Variants in KCNQ1 observed in about 807,000 individuals in gnomAD.
KCNQ1 encodes the protein potassium voltage-gated channel subfamily KQT member 1.
Under a neutral mutation model 72.4 loss-of-function variants are expected in KCNQ1, and 49 were observed. That is an observed-to-expected ratio of 0.68 (90% CI 0.54 to 0.86). KCNQ1 has a LOEUF of 0.86. Among genes scored for constraint, KCNQ1 ranks in the 40% least tolerant of loss-of-function variants. The pLI, the probability that KCNQ1 is intolerant of heterozygous loss-of-function variation, is 0.00. For missense variants in KCNQ1, 790 were observed against 945.1 expected (o/e 0.84, Z 2.15); for synonymous variants, 450 against 412.6 (o/e 1.09, Z -1.10).
chr11:2,650,830 A>G (rs1266462935), intron 10 of KCNQ1: 1 of 398,418 alleles, frequency 2.5e-6, no homozygotes, highest in Non-Finnish European at 4.4e-6. Flanking sequence ...GCACTTACTG[A>G]TTTTATGCTT....
chr11:2,585,704 T>C (rs1848583202), intron 8 of KCNQ1, among the ~76,000 whole-genome samples: 1 of 152,124 alleles, frequency 6.6e-6, no homozygotes, highest in African/African-American at 2.4e-5. Context: ...AGCTGTGCAG[T>C]TGGTGCCTTC....
chr11:2,765,788 A>G (rs529784139), intron 11 of KCNQ1, among the ~76,000 whole-genome samples: 1 of 152,318 alleles, frequency 6.6e-6, no homozygotes. Flanking sequence ...TGGCTACACC[A>G]TGACCTATCT....
At chr11:2,589,292 C>T (rs1289868945) in intron 10 of KCNQ1, among the ~76,000 whole-genome samples, 2 of 152,066 alleles carry the variant, frequency 1.3e-5, no homozygotes, top group Non-Finnish European at 2.9e-5. Flanking sequence ...CCGGGTAAAA[C>T]GTGGGGGGCC....
chr11:2,522,917 A>G (rs1847413743), intron 1 of KCNQ1, among the ~76,000 whole-genome samples: 1 of 152,236 alleles, frequency 6.6e-6, no homozygotes. Context: ...AGGACCACCC[A>G]TGTGCAGTCT....
intron 1 of KCNQ1, among the ~76,000 whole-genome samples, chr11:2,511,865 C>T (rs1169341129): frequency 6.6e-6 from 1 of 152,200 alleles, no homozygotes; most frequent in Non-Finnish European, 1.5e-5. Flanking sequence ...CTGTGGAGCC[C>T]GGCCTGGCCT....
chr11:2,591,631 C>G (rs982567429), intron 10 of KCNQ1, among the ~76,000 whole-genome samples: 13 of 152,224 alleles, frequency 8.5e-5, no homozygotes, highest in South Asian at 2.1e-4. Context: ...TTGCTGAATG[C>G]GGGGCAGCCC....
intron 10 of KCNQ1, chr11:2,631,215 T>C (rs542523961): frequency 2.0e-5 from 8 of 398,556 alleles, no homozygotes; most frequent in Admixed American, 4.4e-5. Flanking sequence ...ATAAATCCTG[T>C]GTGAACATTA....
rs1251825545 is a variant in KCNQ1 at position 2,493,835 on chromosome 11, T to C, written c.387-34093T>C. Among the ~76,000 whole-genome samples, 1 of 152,198 alleles carries C rather than the reference T, an allele frequency of 6.6e-6. No individual in the cohort carries two copies. Among genetic ancestry groups the C allele is most frequent in the Non-Finnish European group, 1.5e-5 (1 of 68,008 alleles). ...AGGATTGTCTTGGCTATATGGGCTCTTTTTTGGTTCCATATGAAATTTAAA... is the reference window on the plus strand; with the variant it reads ...AGGATTGTCTTGGCTATATGGGCTCCTTTTTGGTTCCATATGAAATTTAAA... On this transcript the variant is annotated intron_variant, in intron 1 of 15. Transcript: ENST00000155840. This position sits in a 1 kb window ranked among gnomAD's most constrained non-coding sequence, Gnocchi z 5.3.
chr11:2,553,161 TG>T (rs1848009854), intron 2 of KCNQ1, among the ~76,000 whole-genome samples: 1 of 130,916 alleles, frequency 7.6e-6, no homozygotes, highest in African/African-American at 3.8e-5. Flanking sequence ...GGGTTTTTTT[TG>T]TTTTTTTTTT....
rs978689949 is a variant in KCNQ1 at position 2,507,054 on chromosome 11, T to C, written c.387-20874T>C. ...TTTTTGCTATGAGAAATTTCGCATGTTTATATCATCAAATTTATCATGCTT... is the reference window on the plus strand; with the variant it reads ...TTTTTGCTATGAGAAATTTCGCATGCTTATATCATCAAATTTATCATGCTT... On this transcript the variant is annotated intron_variant, in intron 1 of 15. Transcript: ENST00000155840. The surrounding 1 kb of genome is among the most constrained non-coding windows in gnomAD (Gnocchi z 5.4). Among the ~76,000 whole-genome samples, 1 of 152,174 alleles carries C rather than the reference T, an allele frequency of 6.6e-6. No homozygotes were observed. The highest frequency in any genetic ancestry group is 2.4e-5 in the African/African-American group (1 of 41,434).
intron 15 of KCNQ1, among the ~76,000 whole-genome samples, chr11:2,800,879 C>T (rs116858972): frequency 0.019 from 2,916 of 152,234 alleles, 49 homozygotes; most frequent in Admixed American, 0.042. Context: ...AACAGGATGG[C>T]GCTGGGGCAG....
chr11:2,795,761 C>T (rs1482556101), intron 15 of KCNQ1, among the ~76,000 whole-genome samples: 1 of 152,336 alleles, frequency 6.6e-6, no homozygotes, highest in South Asian at 2.1e-4. Context: ...ACAAACTTGG[C>T]GGGACCCTGC....
rs1032231913 is a variant in KCNQ1, at chr11:2,676,605, G to C, written c.1514+14524G>C. 15 of 398,504 alleles carry C rather than the reference G, an allele frequency of 3.8e-5. No homozygotes were observed. Among genetic ancestry groups the C allele is most frequent in the Non-Finnish European group, 5.8e-5 (13 of 226,080 alleles). 24.7% of individuals were successfully genotyped at this position (398,504 alleles called of 1,614,324 possible). A position where few individuals can be genotyped will look rare whatever the true frequency, so the allele number is the denominator to read the frequency against. On this transcript the variant is annotated intron_variant, in intron 11 of 15. Coordinates refer to ENST00000155840, the MANE Select transcript of KCNQ1 (RefSeq NM_000218.3). This position sits in a 1 kb window ranked among gnomAD's most constrained non-coding sequence, Gnocchi z 4.2. ...TATTCAACAGCCAGCTCTCCAAAGA[G>C]GCCTCTAAGAAATGGGTAGCTTCAC...
intron 11 of KCNQ1, among the ~76,000 whole-genome samples, chr11:2,716,210 T>C (rs1564869221): frequency 2.6e-5 from 4 of 152,134 alleles, no homozygotes. Flanking sequence ...CAAAGCAACA[T>C]GTACCCTCTC....
At position 2,601,657 on chromosome 11, in the gene KCNQ1, G is replaced by T. The variant is rs1421861304; in HGVS notation, c.1393+12803G>T. On this transcript the variant is annotated intron_variant, in intron 10 of 15. Coordinates refer to ENST00000155840, the MANE Select transcript of KCNQ1 (RefSeq NM_000218.3). This position sits in a 1 kb window ranked among gnomAD's most constrained non-coding sequence, Gnocchi z 5.2. ...TCTTTTCAAAAATGCCACGTAAATG[G>T]AATCACACAATACACGATATCTTAG... is the stretch of plus-strand genomic sequence containing the variant. Among the ~76,000 whole-genome samples the T allele has an allele frequency of 6.6e-6, 1 of 152,150 alleles. No individual in the cohort carries two copies. The highest frequency in any genetic ancestry group is 1.5e-5 in the Non-Finnish European group (1 of 68,044).
intron 10 of KCNQ1, chr11:2,629,911 A>G (rs1849325827): frequency 2.5e-6 from 1 of 398,038 alleles, no homozygotes. Context: ...GAGTGTATTT[A>G]TTTATTTTTC....
At position 2,755,000 on chromosome 11, in the gene KCNQ1, C is replaced by G. The variant is rs1846277862; in HGVS notation, c.1515-13844C>G. Among the ~76,000 whole-genome samples, 4 of 152,182 alleles carry G rather than the reference C, an allele frequency of 2.6e-5. No homozygotes were observed. The South Asian group carries it at 8.3e-4, about 32-fold the overall frequency. On this transcript the variant is annotated intron_variant, in intron 11 of 15. Coordinates refer to ENST00000155840, the MANE Select transcript of KCNQ1 (RefSeq NM_000218.3). Reference sequence around the variant, plus strand: ...AGAATAACAGACGTTTACTCTCTTTCACTTCTGTCGGTCAGAGGTCCAACC... The same window carrying G: ...AGAATAACAGACGTTTACTCTCTTTGACTTCTGTCGGTCAGAGGTCCAACC...
chr11:2,633,859 A>G (rs540188513), intron 10 of KCNQ1: 18 of 398,620 alleles, frequency 4.5e-5, no homozygotes, highest in East Asian at 3.2e-4. Context: ...TGTAATGCGC[A>G]TATACAAAAT....
In KCNQ1 at chr11:2,547,464, C is replaced by T. The variant is rs1847915096; in HGVS notation, c.477+19446C>T. Among the ~76,000 whole-genome samples, 1 of 152,130 alleles carries T rather than the reference C, an allele frequency of 6.6e-6. No individual in the cohort carries two copies. Among genetic ancestry groups the T allele is most frequent in the Non-Finnish European group, 1.5e-5 (1 of 68,022 alleles). Reference sequence around the variant, plus strand: ...GGCCAGGCTGGTCTTGAACTCCTGACCTCAAGTCATCTGCCCGCCTCAGCC... The same window carrying T: ...GGCCAGGCTGGTCTTGAACTCCTGATCTCAAGTCATCTGCCCGCCTCAGCC... On this transcript the variant is annotated intron_variant, in intron 2 of 15. Transcript: ENST00000155840. This position sits in a 1 kb window ranked among gnomAD's most constrained non-coding sequence, Gnocchi z 4.2.
Sources: allele counts gnomAD v4.1 joint callset (sites outside exome capture counted in the v4.1 genomes callset), GRCh38; gene constraint gnomAD v4.1.1; non-coding constraint Gnocchi (gnomAD v3.1); transcripts MANE v1.5; gene names NCBI Gene and HGNC (gene_info 2026-07-23, HGNC 2026-07-21).